The following CAMKMT variants were observed in gnomAD, a reference collection of about 807,000 sequenced individuals.
CAMKMT encodes the protein calmodulin-lysine N-methyltransferase.
CAMKMT carries 53 observed loss-of-function variants against 48.0 expected under a neutral mutation model. The ratio of observed to expected loss-of-function variants is 1.10; its 90% CI spans 0.89 to 1.39. The LOEUF is 1.39. Ranked by LOEUF, CAMKMT falls within the 40% of genes most tolerant of loss-of-function variation. The pLI is 0.00. For synonymous variants in CAMKMT, 165 were observed against 152.3 expected, an observed-to-expected ratio of 1.08 and a Z score of -0.61; for missense variants, 428 against 402.7, an observed-to-expected ratio of 1.06 and a Z score of -0.54.
intron 3 of CAMKMT, among the ~76,000 whole-genome samples, chr2:44,629,556 G>A (rs1027675010): frequency 1.8e-4 from 27 of 148,678 alleles, no homozygotes; most frequent in Non-Finnish European, 3.0e-4. Flanking sequence ...CTCCCACCTT[G>A]ACCTCCCAGG....
intron 2 of CAMKMT, 33 bp from the exon 3 acceptor site, chr2:44,390,208 A>C: frequency 6.4e-7 from 1 of 1,555,088 alleles, no homozygotes; most frequent in Non-Finnish European, 8.8e-7. Flanking sequence ...AACATTTCAG[A>C]ATCATTAAAG....
At position 44,406,847 on chromosome 2, in the gene CAMKMT, C is replaced by T. The variant is rs140980500; in HGVS notation, c.376+16542C>T. On this transcript the variant is annotated intron_variant, in intron 3 of 10. Coordinates refer to ENST00000378494, the MANE Select transcript of CAMKMT (RefSeq NM_024766.5). ...AGAACTCCTGGGCTCAAGCAATCCGCCCACCACACCACATCTTCCCAAAGT... is the reference window on the plus strand; with the variant it reads ...AGAACTCCTGGGCTCAAGCAATCCGTCCACCACACCACATCTTCCCAAAGT... Among the ~76,000 whole-genome samples, 17 of 152,338 alleles carry T rather than the reference C, an allele frequency of 1.1e-4. No individual in the cohort carries two copies. The East Asian group carries it at 2.9e-3, about 26-fold the overall frequency.
At chr2:44,492,235 C>T (rs1212227023) in intron 3 of CAMKMT, among the ~76,000 whole-genome samples, 3 of 151,922 alleles carry the variant, frequency 2.0e-5, no homozygotes, top group African/African-American at 7.3e-5. Flanking sequence ...TGTCTTCTAA[C>T]ATTTAAAATG....
Position 44,565,711 on chromosome 2 carries a change from A to C in CAMKMT, c.377-138572A>C, listed in dbSNP as rs113517072. 2.2e-3 allele frequency among the ~76,000 whole-genome samples: 329 copies of C among 152,232 alleles called. 1 individual carries two copies. The Middle Eastern group carries it at 0.027, about 13-fold the overall frequency. ...CTGAGTCTGGAATTAAAAAAACAAA[A>C]AAAAAAACAAAACTCCCCAGGTGAT... On this transcript the variant is annotated intron_variant, in intron 3 of 10. Coordinates refer to ENST00000378494, the MANE Select transcript of CAMKMT (RefSeq NM_024766.5).
intron 3 of CAMKMT, chr2:44,392,157 A>G (rs1681405008): frequency 6.6e-6 from 1 of 152,152 alleles, no homozygotes; most frequent in East Asian, 1.9e-4. Context: ...GTCTTATACT[A>G]TTTTAATTGA....
At chr2:44,605,600 A>G (rs1671239037) in intron 3 of CAMKMT, among the ~76,000 whole-genome samples, 1 of 152,162 alleles carries the variant, frequency 6.6e-6, no homozygotes, top group Non-Finnish European at 1.5e-5. Context: ...AACATTTTTT[A>G]TTTTTAAGAA....
At chr2:44,741,574 T>C (rs1209532786) in intron 7 of CAMKMT, among the ~76,000 whole-genome samples, 1 of 152,250 alleles carries the variant, frequency 6.6e-6, no homozygotes, top group Admixed American at 6.5e-5. Flanking sequence ...AACCTAGGTC[T>C]GTCTGCTGTG....
At chr2:44,434,202 T>G (rs1684814390) in intron 3 of CAMKMT, among the ~76,000 whole-genome samples, 1 of 150,620 alleles carries the variant, frequency 6.6e-6, no homozygotes, top group Admixed American at 6.7e-5. Context: ...TATTCAACTG[T>G]GGGCTGCTGT....
chr2:44,388,814 T>G (rs2104408889), intron 2 of CAMKMT, among the ~76,000 whole-genome samples: 1 of 152,290 alleles, frequency 6.6e-6, no homozygotes, highest in Non-Finnish European at 1.5e-5. Context: ...GGCCCTGGGC[T>G]GGTACTGGAG....
At chr2:44,664,245 T>C (rs1302737319) in intron 3 of CAMKMT, among the ~76,000 whole-genome samples, 3 of 152,246 alleles carry the variant, frequency 2.0e-5, no homozygotes, top group African/African-American at 7.2e-5. Context: ...TCTAAGACTA[T>C]ACTTTTATGA....
intron 3 of CAMKMT, among the ~76,000 whole-genome samples, chr2:44,454,952 A>G (rs1359392610): frequency 6.6e-6 from 1 of 152,086 alleles, no homozygotes; most frequent in African/African-American, 2.4e-5. Context: ...TGAACTCTTG[A>G]TTTTGTTGTG....
Position 44,562,412 on chromosome 2 carries a change from G to A in CAMKMT, c.377-141871G>A, listed in dbSNP as rs552805633. Among the ~76,000 whole-genome samples, 3 of 152,178 alleles carry A rather than the reference G, an allele frequency of 2.0e-5. No individual in the cohort carries two copies. In the East Asian group the frequency reaches 5.8e-4, roughly 29 times the overall value. On this transcript the variant is annotated intron_variant, in intron 3 of 10. Transcript: ENST00000378494. Reference sequence around the variant, plus strand: ...AGCACTTTATGAGCTTTCATTATATGCCGAATATAAGTATTAACTCATTTA... The same window carrying A: ...AGCACTTTATGAGCTTTCATTATATACCGAATATAAGTATTAACTCATTTA...
At chr2:44,384,149 T>G (rs1390093981) in intron 2 of CAMKMT, among the ~76,000 whole-genome samples, 2 of 152,202 alleles carry the variant, frequency 1.3e-5, no homozygotes, top group African/African-American at 2.4e-5. Flanking sequence ...GTTTTTTGAC[T>G]TTTTGATTAT....
At chr2:44,708,672 G>T (rs1294366871) in intron 6 of CAMKMT, among the ~76,000 whole-genome samples, 1 of 152,046 alleles carries the variant, frequency 6.6e-6, no homozygotes, top group African/African-American at 2.4e-5. Flanking sequence ...AAGATGAGCA[G>T]ATGTTTTTTC....
chr2:44,542,946 C>G (rs978487677), intron 3 of CAMKMT, among the ~76,000 whole-genome samples: 1 of 152,130 alleles, frequency 6.6e-6, no homozygotes. Context: ...CCTTCATCCT[C>G]CATTCCTCAC....
chr2:44,752,613 C>T (rs1437740405), intron 8 of CAMKMT, among the ~76,000 whole-genome samples: 5 of 152,074 alleles, frequency 3.3e-5, no homozygotes, highest in African/African-American at 1.2e-4. Flanking sequence ...CAGAATACCA[C>T]AGATTGGGTC....
chr2:44,377,236 G>A (rs1679793217), intron 2 of CAMKMT, among the ~76,000 whole-genome samples: 1 of 152,004 alleles, frequency 6.6e-6, no homozygotes, highest in African/African-American at 2.4e-5. Flanking sequence ...CAAACTGCTG[G>A]GGTCAAGGGA....
intron 3 of CAMKMT, among the ~76,000 whole-genome samples, chr2:44,576,958 C>T (rs1159511109): frequency 6.6e-6 from 1 of 152,178 alleles, no homozygotes. Context: ...TTTCAAGGAG[C>T]TCATTTCTAA....
chr2:44,439,593 C>A (rs976107293), intron 3 of CAMKMT, among the ~76,000 whole-genome samples: 1 of 151,948 alleles, frequency 6.6e-6, no homozygotes, highest in Non-Finnish European at 1.5e-5. Context: ...AATCCCAGCA[C>A]TTTGGGAGGC....
Sources: gnomAD v4.1 joint callset for allele counts (sites outside exome capture counted in the v4.1 genomes callset) on GRCh38, gnomAD v4.1.1 for gene constraint, MANE v1.5 for transcripts, NCBI Gene and HGNC (gene_info 2026-07-23, HGNC 2026-07-21) for gene names.